The following HAUS3 variants were observed in gnomAD, a reference collection of about 807,000 sequenced individuals.
The protein encoded by HAUS3 is HAUS augmin-like complex subunit 3.
In HAUS3, 36 loss-of-function variants were observed where a neutral mutation model predicts 55.2. The observed-to-expected ratio is 0.65, with a 90% CI of 0.50 to 0.86. The LOEUF (loss-of-function observed/expected upper bound fraction) is 0.86, where lower values mean the gene tolerates loss of function less well. Ranked by LOEUF, HAUS3 falls within the 40% of genes least tolerant of loss-of-function variation. The pLI, the probability that HAUS3 is intolerant of heterozygous loss-of-function variation, is 0.00. For missense variants in HAUS3, 752 were observed against 671.5 expected (o/e 1.12, Z -1.33); for synonymous variants, 234 against 238.6 (o/e 0.98, Z 0.18).
intron 5 of HAUS3, among the ~76,000 whole-genome samples, chr4:2,235,944 A>T (rs28430556): frequency 0.17 from 25,328 of 152,168 alleles, 3,617 homozygotes; most frequent in African/African-American, 0.37. Context: ...GAGTGAAAAA[A>T]AAATACAGAG....
chr4:2,240,259 C>A lies in HAUS3; in HGVS notation c.688G>T (p.Val230Phe). The A allele has an allele frequency of 6.2e-7, 1 of 1,613,766 alleles. No homozygotes were observed. The highest frequency in any genetic ancestry group is 8.5e-7 in the Non-Finnish European group (1 of 1,179,774). The stretch of plus-strand genomic sequence containing the variant: ...AAATTGTCTTCATTTGAACTTTCAA[C>A]TACTTCATGTATACCCTGAAAGAAC... The part of the protein sequence containing the change: ...KQFFQGIHEV[V>F]ESSNEDNFQL... Residue 230 changes from valine (V) to phenylalanine (F), a missense_variant, in exon 3 of 6, where the codon GTT (valine) becomes TTT (phenylalanine). Transcript: ENST00000443786.
Position 2,230,014 on chromosome 4 carries a change from C to G in HAUS3, c.*1913G>C, listed in dbSNP as rs1734524528. 1 of 151,922 alleles carries G rather than the reference C, an allele frequency of 6.6e-6. No individual in the cohort carries two copies. The highest frequency in any genetic ancestry group is 6.6e-5 in the Admixed American group (1 of 15,236). The allele number at this position is 151,922 out of a possible 1,614,324, so 9.4% of individuals were successfully genotyped here. A position where few individuals can be genotyped will look rare whatever the true frequency, so the allele number is the denominator to read the frequency against. ...GGACAGTATAAATCAAGCATCTGGG[C>G]AGGGGCATGGTGGCTTACACCTGTA... On this transcript the variant is annotated 3_prime_UTR_variant, in exon 6 of 6. Transcript: ENST00000443786.
At chr4:2,233,087 C>A (rs978329140) in intron 5 of HAUS3, among the ~76,000 whole-genome samples, 4 of 152,156 alleles carry the variant, frequency 2.6e-5, no homozygotes, top group Non-Finnish European at 5.9e-5. Flanking sequence ...CTACTTAAGA[C>A]CTGTCATAAA....
At chr4:2,237,607 A>C (rs1734812507) in intron 4 of HAUS3, among the ~76,000 whole-genome samples, 1 of 152,216 alleles carries the variant, frequency 6.6e-6, no homozygotes, top group Non-Finnish European at 1.5e-5. Context: ...GTTTTCTGTT[A>C]TGTGAAAGCT....
At chr4:2,233,770 A>C (rs1378544440) in intron 5 of HAUS3, among the ~76,000 whole-genome samples, 1 of 152,246 alleles carries the variant, frequency 6.6e-6, no homozygotes, top group Non-Finnish European at 1.5e-5. Context: ...TAATAAGAAA[A>C]CATTGTGTTG....
At chr4:2,238,335 T>C (rs910524144) in intron 4 of HAUS3, among the ~76,000 whole-genome samples, 2 of 151,794 alleles carry the variant, frequency 1.3e-5, no homozygotes, top group Non-Finnish European at 2.9e-5. Flanking sequence ...TAAATAATGA[T>C]GCCTAAAGGG....
chr4:2,239,075 T>C, intron 3 of HAUS3, 32 bp from the exon 4 acceptor site: 1 of 1,166,306 alleles, frequency 8.6e-7, no homozygotes, highest in Non-Finnish European at 1.2e-6. Flanking sequence ...CATTTCAAAC[T>C]GTATGCCTAA....
intron 1 of HAUS3, 41 bp downstream of exon 1, chr4:2,242,010 C>T (rs1735008477): frequency 4.1e-6 from 4 of 985,502 alleles, no homozygotes; most frequent in Non-Finnish European, 1.2e-6. Flanking sequence ...CTCCTCCAGC[C>T]CCACACCCCT....
At chr4:2,236,596 C>T (rs554705755) in intron 4 of HAUS3, 140 bp from the exon 5 acceptor site, 12 of 634,778 alleles carry the variant, frequency 1.9e-5, no homozygotes, top group African/African-American at 9.2e-5. Flanking sequence ...CAGTAGCTCA[C>T]GCCTGTAATC....
At position 2,240,803 on chromosome 4, in the gene HAUS3, A is replaced by G; in HGVS notation, c.144T>C (p.Asn48=). The stretch of plus-strand genomic sequence containing the variant: ...CTCTTTCAGACAACACGTTCTGTTC[A>G]TTCACATTCCCACAAAACCACTTCA... ...SFLKWFCGNV[N]EQNVLSEREL... is the part of the protein sequence containing the mutation. Residue 48 remains asparagine (N), a synonymous_variant, in exon 3 of 6, where the codon AAT becomes AAC. Transcript: ENST00000443786. 1 of 1,613,926 alleles carries G rather than the reference A, an allele frequency of 6.2e-7. No homozygotes were observed. The highest frequency in any genetic ancestry group is 8.5e-7 in the Non-Finnish European group (1 of 1,179,978).
Position 2,238,819 on chromosome 4 carries a change from T to C in HAUS3, c.1134A>G (p.Ile378Met), listed in dbSNP as rs769766992. The C allele has an allele frequency of 3.0e-5, 48 of 1,613,330 alleles. No individual in the cohort carries two copies. Among genetic ancestry groups the C allele is most frequent in the Non-Finnish European group, 4.0e-5 (47 of 1,179,568 alleles). The change falls in exon 4 of 6, where the codon ATA becomes ATG. Residue 378 changes from isoleucine to methionine, a missense_variant. Ile to Met is a conservative substitution (Grantham distance 10). Coordinates refer to ENST00000443786, the MANE Select transcript of HAUS3 (RefSeq NM_001303143.2). ...GAAGTTCAAATGATGCCTTTTGTTT[T>C]ATTAATTGATTTAAAACTAACTCTT... ...ARQELVLNQLIKQKASFELLQ... is the reference protein window; with the variant it reads ...ARQELVLNQLMKQKASFELLQ...
chr4:2,240,229 G>A lies in HAUS3; in HGVS notation c.718C>T (p.Leu240Phe). The change falls in exon 3 of 6, where the codon CTT becomes TTT. Residue 240 changes from leucine (L) to phenylalanine (F), a missense_variant. Coordinates refer to ENST00000443786, the MANE Select transcript of HAUS3 (RefSeq NM_001303143.2). ...VESSNEDNFQ[L>F]LDIQTPSICD... Reference sequence around the variant, plus strand: ...ATAGATGGTGTCTGTATATCTAAAAGTTGAAAATTGTCTTCATTTGAACTT... The same window carrying A: ...ATAGATGGTGTCTGTATATCTAAAAATTGAAAATTGTCTTCATTTGAACTT... 6.2e-7 allele frequency: 1 copy of A among 1,613,732 alleles called. No individual in the cohort carries two copies. Among genetic ancestry groups the A allele is most frequent in the South Asian group, 1.1e-5 (1 of 91,020 alleles).
In HAUS3 at chr4:2,230,701, G is replaced by T. The variant is rs545286861; in HGVS notation, c.*1226C>A. The T allele has an allele frequency of 4.6e-5, 7 of 151,826 alleles. No individual in the cohort carries two copies. Among genetic ancestry groups the T allele is most frequent in the Non-Finnish European group, 1.0e-4 (7 of 67,986 alleles). The allele number at this position is 151,826 out of a possible 1,614,324, so 9.4% of individuals were successfully genotyped here. A position where few individuals can be genotyped will look rare whatever the true frequency, so the allele number is the denominator to read the frequency against. ...ATTCCATAAAGACCACCCAAAACAT[G>T]TAGTTTTTAGATTGGCATTCCATAT... On this transcript the variant is annotated 3_prime_UTR_variant, in exon 6 of 6. Transcript: ENST00000443786.
chr4:2,241,985 C>T, intron 1 of HAUS3, 66 bp downstream of exon 1: 1 of 985,560 alleles, frequency 1.0e-6, no homozygotes, highest in Non-Finnish European at 1.2e-6. Context: ...TGGGTGCAGA[C>T]GGGGATCGCG....
chr4:2,236,639 G>A lies in HAUS3; in HGVS notation c.1350-183C>T, dbSNP rs570152088. ...TTTGGGAGGCCAAGGCGGGCAGATT[G>A]CCTGAGCTCAGGAGTTCGAGACCAG... On this transcript the variant is annotated intron_variant, in intron 4 of 5. Coordinates refer to ENST00000443786, the MANE Select transcript of HAUS3 (RefSeq NM_001303143.2). 3.3e-5 allele frequency among the ~76,000 whole-genome samples: 5 copies of A among 151,860 alleles called. No individual in the cohort carries two copies. The South Asian group carries it at 8.3e-4, about 25-fold the overall frequency.
chr4:2,236,612 A>G (rs1346191225), intron 4 of HAUS3, among the ~76,000 whole-genome samples, 156 bp from the exon 5 acceptor site: 1 of 152,130 alleles, frequency 6.6e-6, no homozygotes, highest in Non-Finnish European at 1.5e-5. Flanking sequence ...TAATCCTAGC[A>G]CTTTGGGAGG....
chr4:2,230,446 AAATAG>A lies in HAUS3; in HGVS notation c.*1476_*1480del, dbSNP rs1734539658. ...AATTTTAAGTAAATTCTCTATTCCGAAATAGAATAGAAAAAAACATATACAACAAA... is the reference window on the plus strand; with the variant it reads ...AATTTTAAGTAAATTCTCTATTCCGAAATAGAAAAAAACATATACAACAAA... On this transcript the variant is annotated 3_prime_UTR_variant, in exon 6 of 6. Coordinates refer to ENST00000443786, the MANE Select transcript of HAUS3 (RefSeq NM_001303143.2). The A allele has an allele frequency of 6.6e-6, 1 of 152,278 alleles. No homozygotes were observed. The highest frequency in any genetic ancestry group is 2.1e-4 in the South Asian group (1 of 4,826). The allele number at this position is 152,278 out of a possible 1,614,324, so 9.4% of individuals were successfully genotyped here.
rs1379814962 is a variant in HAUS3, at chr4:2,231,777, G to A, written c.*150C>T. On this transcript the variant is annotated 3_prime_UTR_variant, in exon 6 of 6. Transcript: ENST00000443786. ...CACTGGTATTCTGAATGTACTACAT[G>A]AGAAAAAAGACAAATTAATATAATA... The A allele has an allele frequency of 3.7e-6, 2 of 541,044 alleles. No individual in the cohort carries two copies. The highest frequency in any genetic ancestry group is 6.6e-6 in the Non-Finnish European group (2 of 305,254). The allele number at this position is 541,044 out of a possible 1,614,324, so 33.5% of individuals were successfully genotyped here.
In HAUS3 at chr4:2,240,906, A is replaced by G. The variant is rs771838776; in HGVS notation, c.41T>C (p.Ile14Thr). 8.1e-6 allele frequency: 13 copies of G among 1,597,364 alleles called. No individual in the cohort carries two copies. In the South Asian group the frequency reaches 1.2e-4, roughly 15 times the overall value. Residue 14 changes from isoleucine to threonine, a missense_variant, in exon 3 of 6, where the codon ATT becomes ACT. Physicochemically the swap from Ile to Thr is moderately conservative, Grantham distance 89 (BLOSUM62 -1). Coordinates refer to ENST00000443786, the MANE Select transcript of HAUS3 (RefSeq NM_001303143.2). Reference protein sequence around the residue: ...GNEFVETLKKIGYPKADNLNG... With the variant: ...GNEFVETLKKTGYPKADNLNG... ...AAGATTATCAGCTTTGGGATAACCA[A>G]TTTTTTTTAATGTTTCCACAAACTC... is the stretch of plus-strand genomic sequence containing the variant.
Sources: gnomAD v4.1 joint callset for allele counts (sites outside exome capture counted in the v4.1 genomes callset) on GRCh38, gnomAD v4.1.1 for gene constraint, MANE v1.5 for transcripts, NCBI Gene and HGNC (gene_info 2026-07-23, HGNC 2026-07-21) for gene names.